Variants in ASTN2 observed in about 807,000 individuals in gnomAD.
ASTN2 encodes the protein astrotactin-2.
ASTN2 carries 54 observed loss-of-function variants against 139.8 expected under a neutral mutation model. That is an observed-to-expected ratio of 0.39 (90% CI 0.31 to 0.48). The LOEUF (loss-of-function observed/expected upper bound fraction) is 0.48, where lower values mean the gene tolerates loss of function less well. Among genes scored for constraint, ASTN2 ranks in the 20% least tolerant of loss-of-function variants. The probability of loss-of-function intolerance (pLI) is 0.95; values close to 1 mark genes in which losing one functional copy is unlikely to be tolerated. For synonymous variants in ASTN2, 756 were observed against 719.5 expected, an observed-to-expected ratio of 1.05 and a Z score of -0.81; for missense variants, 1,565 against 1,725.1, an observed-to-expected ratio of 0.91 and a Z score of 1.64.
chr9:117,125,738 T>G (rs746846047), intron 4 of ASTN2, among the ~76,000 whole-genome samples: 8 of 151,544 alleles, frequency 5.3e-5, no homozygotes, highest in Non-Finnish European at 1.0e-4. Flanking sequence ...CACTATCCAG[T>G]AACAAAGTTG....
intron 16 of ASTN2, among the ~76,000 whole-genome samples, chr9:116,659,324 A>G (rs957603146): frequency 2.6e-5 from 4 of 152,288 alleles, no homozygotes; most frequent in Middle Eastern, 3.4e-3. Context: ...TCATGTAGAC[A>G]GTCTGCAGGT....
At chr9:117,169,648 C>T (rs1382657038) in intron 3 of ASTN2, among the ~76,000 whole-genome samples, 1 of 151,972 alleles carries the variant, frequency 6.6e-6, no homozygotes, top group Non-Finnish European at 1.5e-5. Context: ...CGCTTTCAAA[C>T]AGAGTCAATC....
intron 17 of ASTN2, among the ~76,000 whole-genome samples, chr9:116,635,939 T>C (rs1238121326): frequency 6.6e-6 from 1 of 152,132 alleles, no homozygotes; most frequent in East Asian, 1.9e-4. Flanking sequence ...GAGCAAGAAG[T>C]TTTATGGTCA....
chr9:116,806,817 T>G (rs1831042195), intron 12 of ASTN2, among the ~76,000 whole-genome samples: 1 of 152,202 alleles, frequency 6.6e-6, no homozygotes, highest in Non-Finnish European at 1.5e-5. Flanking sequence ...TGCAATATAC[T>G]TAACACAATA....
At position 116,440,760 on chromosome 9, in the gene ASTN2, C is replaced by T; in HGVS notation, c.3631G>A (p.Gly1211Arg). The change falls in exon 22 of 23, where the codon GGG becomes AGG. Residue 1211 changes from glycine (G) to arginine (R), a missense_variant. This residue lies in a region of ASTN2 where 418 missense variants were observed against 465.8 expected (regional missense o/e 0.90). Transcript: ENST00000313400. The stretch of plus-strand genomic sequence containing the variant: ...TGCTGCTCCTTTCCACTTGTGTACC[C>T]ATTGTACAGATTGTAGATCTTGTCA... ...IADKIYNLYN[G>R]YTSGKEQQMA... 6.2e-7 allele frequency: 1 copy of T among 1,614,112 alleles called. No homozygotes were observed. Among genetic ancestry groups the T allele is most frequent in the Non-Finnish European group, 8.5e-7 (1 of 1,179,990 alleles).
At chr9:117,359,495 G>A (rs565151815) in intron 1 of ASTN2, among the ~76,000 whole-genome samples, 1 of 152,216 alleles carries the variant, frequency 6.6e-6, no homozygotes, top group Non-Finnish European at 1.5e-5. Flanking sequence ...TGAATTAAAA[G>A]ATATTGTTAA....
chr9:116,666,363 T>C (rs185393231), intron 16 of ASTN2, among the ~76,000 whole-genome samples: 2 of 152,346 alleles, frequency 1.3e-5, no homozygotes, highest in Non-Finnish European at 2.9e-5. Context: ...TAGTATCTTA[T>C]CATTGCAATG....
intron 16 of ASTN2, among the ~76,000 whole-genome samples, chr9:116,664,655 ATC>A (rs1280578842): frequency 6.6e-6 from 1 of 151,834 alleles, no homozygotes; most frequent in African/African-American, 2.4e-5. Context: ...AAAAAAAACA[ATC>A]TCTACAAATT....
chr9:116,985,242 C>A (rs1425003159), intron 7 of ASTN2, among the ~76,000 whole-genome samples: 1 of 152,158 alleles, frequency 6.6e-6, no homozygotes, highest in Non-Finnish European at 1.5e-5. Flanking sequence ...AGCACTGAGA[C>A]AAATGTGGAC....
chr9:117,008,141 A>G lies in ASTN2; in HGVS notation c.1542T>C (p.Cys514=). 6.2e-7 allele frequency: 1 copy of G among 1,610,624 alleles called. No individual in the cohort carries two copies. The highest frequency in any genetic ancestry group is 8.5e-7 in the Non-Finnish European group (1 of 1,178,408). ...CACAGGCATCTGTCGTCCTTTGTCC[A>G]CAGAGGTCCCTCACCCATGGGGAGG... The part of the protein sequence containing the change: ...NATSPWVRDL[C]GQRTTDACEQ... Residue 514 remains cysteine (C), a synonymous_variant, in exon 7 of 23, where the codon TGT becomes TGC. Transcript: ENST00000313400.
At chr9:117,182,818 C>T (rs1831108246) in intron 3 of ASTN2, among the ~76,000 whole-genome samples, 1 of 152,130 alleles carries the variant, frequency 6.6e-6, no homozygotes. Context: ...ACCCAGGCTT[C>T]CTCACTGTGT....
At chr9:116,688,847 G>A (rs181050598) in intron 16 of ASTN2, among the ~76,000 whole-genome samples, 30 of 151,872 alleles carry the variant, frequency 2.0e-4, no homozygotes, top group East Asian at 1.2e-3. Flanking sequence ...GTTTGGGCTC[G>A]GAGACAGACA....
chr9:117,331,272 G>C (rs140403205), intron 1 of ASTN2, among the ~76,000 whole-genome samples: 6 of 152,202 alleles, frequency 3.9e-5, no homozygotes, highest in South Asian at 2.1e-4. Context: ...CTTAGAGCCC[G>C]AGGTTTCCTG....
intron 1 of ASTN2, among the ~76,000 whole-genome samples, chr9:117,303,523 C>G (rs1834926945): frequency 6.6e-6 from 1 of 152,160 alleles, no homozygotes; most frequent in Non-Finnish European, 1.5e-5. Context: ...CCAACCTGGA[C>G]CAAATGACAT....
At chr9:116,815,811 A>AAAAAAAAAAAAAAC (rs1831306459) in intron 12 of ASTN2, among the ~76,000 whole-genome samples, 1 of 146,208 alleles carries the variant, frequency 6.8e-6, no homozygotes, top group African/African-American at 2.5e-5. Context: ...TCTCAAAAAA[A>AAAAAAAAAAAAAAC]AAAAAAAAAA....
chr9:116,726,657 T>A (rs1828633349), intron 15 of ASTN2, among the ~76,000 whole-genome samples: 1 of 152,140 alleles, frequency 6.6e-6, no homozygotes, highest in East Asian at 1.9e-4. Flanking sequence ...AGTGGTATGT[T>A]CTCTCTCCCT....
intron 7 of ASTN2, among the ~76,000 whole-genome samples, chr9:117,004,488 G>C (rs1837299798): frequency 6.6e-6 from 1 of 152,104 alleles, no homozygotes; most frequent in South Asian, 2.1e-4. Context: ...TAGAGGGAAT[G>C]GCGGTTATAA....
chr9:117,145,070 G>A (rs1830164996), intron 3 of ASTN2, among the ~76,000 whole-genome samples: 1 of 152,112 alleles, frequency 6.6e-6, no homozygotes, highest in Non-Finnish European at 1.5e-5. Context: ...GGAGGTTGGT[G>A]TGCAGAGTAT....
intron 1 of ASTN2, among the ~76,000 whole-genome samples, chr9:117,310,646 T>A (rs1827945086): frequency 2.6e-5 from 4 of 152,128 alleles, no homozygotes; most frequent in African/African-American, 9.7e-5. Context: ...TGTTTGTTTT[T>A]TGAGATAGCG....
Sources: gnomAD v4.1 joint callset for allele counts (sites outside exome capture counted in the v4.1 genomes callset) on GRCh38, gnomAD v4.1.1 for gene constraint, gnomAD v4.1.1 regional missense constraint, MANE v1.5 for transcripts, NCBI Gene and HGNC (gene_info 2026-07-23, HGNC 2026-07-21) for gene names.